Variants in TXLNB observed in about 807,000 individuals in gnomAD.
TXLNB encodes the protein taxilin beta, also known as beta-taxilin.
In TXLNB, 37 loss-of-function variants were observed where a neutral mutation model predicts 57.4. That is an observed-to-expected ratio of 0.64 (90% CI 0.50 to 0.85). The LOEUF (loss-of-function observed/expected upper bound fraction) is 0.85, where lower values mean the gene tolerates loss of function less well. TXLNB is among the 40% of genes least tolerant of loss of function. The pLI is 0.00. For missense variants in TXLNB, 848 were observed against 825.6 expected, an observed-to-expected ratio of 1.03 and a Z score of -0.33; for synonymous variants, 302 against 309.6, an observed-to-expected ratio of 0.98 and a Z score of 0.26.
At chr6:139,193,903 G>A in the TXLNB span, among the ~76,000 whole-genome samples, 1 of 141,428 alleles carries the variant, frequency 7.1e-6, no homozygotes, top group African/African-American at 2.6e-5. Flanking sequence ...GTGCAGTGGC[G>A]CGATCTCGGC....
the TXLNB span, among the ~76,000 whole-genome samples, chr6:139,188,692 G>A: frequency 3.3e-5 from 5 of 152,106 alleles, no homozygotes; most frequent in South Asian, 2.1e-4. Context: ...TATGTATGCC[G>A]GGAAGCAAGA....
chr6:139,226,067 G>A, the TXLNB span, among the ~76,000 whole-genome samples: 3 of 152,046 alleles, frequency 2.0e-5, no homozygotes, highest in African/African-American at 7.2e-5. Flanking sequence ...GGGAGGCTGA[G>A]GCATGTGGAT....
the TXLNB span, among the ~76,000 whole-genome samples, chr6:139,205,753 C>T: frequency 1.3e-5 from 2 of 151,988 alleles, no homozygotes; most frequent in Non-Finnish European, 2.9e-5. Flanking sequence ...GTTTGGAAAA[C>T]CTATTTGAGG....
chr6:139,214,124 T>A, the TXLNB span, among the ~76,000 whole-genome samples: 1 of 152,114 alleles, frequency 6.6e-6, no homozygotes, highest in Non-Finnish European at 1.5e-5. Flanking sequence ...CCTAACTCAT[T>A]TTATGAGGCC....
At chr6:139,183,287 T>C in the TXLNB span, 1 of 152,238 alleles carries the variant, frequency 6.6e-6, no homozygotes, top group South Asian at 2.1e-4. Context: ...TAGCTAACTC[T>C]TGCTCAGAGG....
At position 139,260,457 on chromosome 6, in the gene TXLNB, C is replaced by G. The variant is rs938698700; in HGVS notation, c.883-20G>C. 1 of 1,609,192 alleles carries G rather than the reference C, an allele frequency of 6.2e-7. No homozygotes were observed. Among genetic ancestry groups the G allele is most frequent in the South Asian group, 1.1e-5 (1 of 90,058 alleles). ...CAGATGCTAAGAAAAATAAAGTGTA[C>G]ATAGAAAGCTTGGTTTATTATTGGT... On this transcript the variant is annotated intron_variant, in intron 5 of 9. Transcript: ENST00000358430.
At chr6:139,192,062 A>T in the TXLNB span, among the ~76,000 whole-genome samples, 2 of 152,116 alleles carry the variant, frequency 1.3e-5, no homozygotes, top group Non-Finnish European at 2.9e-5. Context: ...ATCCAAGATG[A>T]TTTTTCTTTG....
chr6:139,263,164 G>C (rs1350118211), intron 4 of TXLNB, among the ~76,000 whole-genome samples: 1 of 152,174 alleles, frequency 6.6e-6, no homozygotes, highest in Non-Finnish European at 1.5e-5. Flanking sequence ...TGTTTCTCTG[G>C]TTTGGTAAAG....
intron 2 of TXLNB, among the ~76,000 whole-genome samples, chr6:139,279,331 GTC>G (rs1180611643): frequency 6.6e-6 from 1 of 152,104 alleles, no homozygotes; most frequent in Admixed American, 6.6e-5. Context: ...ACTCACTGAG[GTC>G]TCTTTCTGCT....
the TXLNB span, among the ~76,000 whole-genome samples, chr6:139,225,715 A>G: frequency 1.3e-5 from 2 of 152,168 alleles, no homozygotes; most frequent in Non-Finnish European, 2.9e-5. Context: ...CTGGATTGGA[A>G]AACTCAATAT....
the TXLNB span, among the ~76,000 whole-genome samples, chr6:139,311,893 T>A: frequency 6.6e-6 from 1 of 152,078 alleles, no homozygotes; most frequent in African/African-American, 2.4e-5. Flanking sequence ...TGTTGAAAGC[T>A]CTCTTCCTGG....
At chr6:139,308,389 T>A in the TXLNB span, among the ~76,000 whole-genome samples, 38 of 152,320 alleles carry the variant, frequency 2.5e-4, no homozygotes, top group Non-Finnish European at 4.9e-4. Flanking sequence ...CCAGACGCCG[T>A]CTGAAAACAA....
chr6:139,191,185 C>T, the TXLNB span, among the ~76,000 whole-genome samples: 1 of 152,098 alleles, frequency 6.6e-6, no homozygotes, highest in African/African-American at 2.4e-5. Context: ...TTTGGGAGGC[C>T]GAGATGGGCG....
At chr6:139,213,109 G>T in the TXLNB span, among the ~76,000 whole-genome samples, 3 of 152,150 alleles carry the variant, frequency 2.0e-5, no homozygotes, top group African/African-American at 7.2e-5. Context: ...ATTGAACTCA[G>T]CTCTGCATCA....
chr6:139,323,526 G>A, the TXLNB span, among the ~76,000 whole-genome samples: 2 of 152,016 alleles, frequency 1.3e-5, no homozygotes, highest in Non-Finnish European at 2.9e-5. Context: ...CTCGTGATCC[G>A]CCCGCCTCGG....
At chr6:139,311,228 A>C in the TXLNB span, among the ~76,000 whole-genome samples, 1 of 152,170 alleles carries the variant, frequency 6.6e-6, no homozygotes, top group Non-Finnish European at 1.5e-5. Flanking sequence ...ATGCTTTTTG[A>C]CATCTTGATC....
At chr6:139,234,998 A>C in the TXLNB span, among the ~76,000 whole-genome samples, 1 of 152,246 alleles carries the variant, frequency 6.6e-6, no homozygotes, top group African/African-American at 2.4e-5. Flanking sequence ...ACATGGAGTC[A>C]AAGGAGATCA....
chr6:139,313,203 G>C, the TXLNB span, among the ~76,000 whole-genome samples: 1 of 151,908 alleles, frequency 6.6e-6, no homozygotes, highest in Admixed American at 6.5e-5. Context: ...CTCCCGAGTA[G>C]CTGGGACTAC....
At chr6:139,318,333 A>T in the TXLNB span, among the ~76,000 whole-genome samples, 6 of 151,766 alleles carry the variant, frequency 4.0e-5, no homozygotes, top group Non-Finnish European at 7.4e-5. Flanking sequence ...ATATGAAATT[A>T]AAAAGATGAA....
Sources: allele counts gnomAD v4.1 joint callset (sites outside exome capture counted in the v4.1 genomes callset), GRCh38; gene constraint gnomAD v4.1.1; transcripts MANE v1.5; gene names NCBI Gene and HGNC (gene_info 2026-07-23, HGNC 2026-07-21).